Variants in EYS observed in about 807,000 individuals in gnomAD.
The protein encoded by EYS is protein eyes shut homolog.
EYS carries 250 observed loss-of-function variants against 282.1 expected under a neutral mutation model. The ratio of observed to expected loss-of-function variants is 0.89; its 90% CI spans 0.80 to 0.98. The LOEUF (loss-of-function observed/expected upper bound fraction) is 0.98, where lower values mean the gene tolerates loss of function less well. Among genes scored for constraint, EYS ranks in the 50% least tolerant of loss-of-function variants. The pLI is 0.00. For missense variants in EYS, 4,016 were observed against 3,709.0 expected (o/e 1.08, Z -2.15); for synonymous variants, 1,355 against 1,282.9 (o/e 1.06, Z -1.20).
chr6:64,255,374 C>T (rs575868383), intron 30 of EYS, among the ~76,000 whole-genome samples: 14 of 152,154 alleles, frequency 9.2e-5, no homozygotes, highest in South Asian at 2.1e-4. Context: ...TCTTTCTTTT[C>T]TTCCTAGGTC....
In EYS at chr6:64,370,290, T is replaced by A. The variant is rs147406498; in HGVS notation, c.6078+18400A>T. 8.6e-3 allele frequency among the ~76,000 whole-genome samples: 1,312 copies of A among 152,300 alleles called. 26 individuals are homozygous for A. The highest frequency in any genetic ancestry group is 0.029 in the African/African-American group (1,202 of 41,564). On this transcript the variant is annotated intron_variant, in intron 29 of 42. Coordinates refer to ENST00000503581, the MANE Select transcript of EYS (RefSeq NM_001142800.2). ...TTATCTATTGTGATGTCCATGTGGT[T>A]ATTTTTAATTCTGTTTATGTGGTGA...
intron 22 of EYS, among the ~76,000 whole-genome samples, chr6:64,732,974 T>C (rs949988862): frequency 6.6e-6 from 1 of 152,196 alleles, no homozygotes; most frequent in African/African-American, 2.4e-5. Context: ...CAGTGCTGTG[T>C]TGTGCAAATG....
At chr6:65,261,832 A>G (rs1767628161) in intron 12 of EYS, among the ~76,000 whole-genome samples, 1 of 152,068 alleles carries the variant, frequency 6.6e-6, no homozygotes, top group African/African-American at 2.4e-5. Flanking sequence ...TTTTACCAGC[A>G]TACAAAAATG....
At chr6:63,964,204 A>C (rs1437666689) in intron 35 of EYS, among the ~76,000 whole-genome samples, 3 of 152,214 alleles carry the variant, frequency 2.0e-5, no homozygotes, top group Non-Finnish European at 4.4e-5. Flanking sequence ...TTCACATCAG[A>C]ATAAACAAAC....
intron 39 of EYS, among the ~76,000 whole-genome samples, chr6:63,781,095 T>C (rs1282209256): frequency 6.6e-6 from 1 of 152,230 alleles, no homozygotes; most frequent in African/African-American, 2.4e-5. Context: ...TCTGTTCTTT[T>C]CCATTGGTCT....
chr6:64,168,766 A>G (rs1025916177), intron 31 of EYS, among the ~76,000 whole-genome samples: 4 of 152,186 alleles, frequency 2.6e-5, no homozygotes, highest in African/African-American at 4.8e-5. Context: ...GTGAATGCAA[A>G]TGGACACAAA....
chr6:65,668,346 T>C (rs1458576460), intron 1 of EYS, among the ~76,000 whole-genome samples: 1 of 151,932 alleles, frequency 6.6e-6, no homozygotes, highest in Non-Finnish European at 1.5e-5. Flanking sequence ...TCACATTAAA[T>C]AGGCAATAAC....
intron 31 of EYS, among the ~76,000 whole-genome samples, chr6:64,144,888 A>G (rs1405008215): frequency 6.6e-6 from 1 of 152,142 alleles, no homozygotes; most frequent in East Asian, 1.9e-4. Flanking sequence ...GATACTGTGA[A>G]CAAGACAGTT....
intron 10 of EYS, among the ~76,000 whole-genome samples, chr6:65,337,933 T>C (rs1273726451): frequency 6.6e-6 from 1 of 151,058 alleles, no homozygotes; most frequent in Non-Finnish European, 1.5e-5. Context: ...TTCATATAAC[T>C]ATGTGCTTTC....
At chr6:64,099,516 C>G (rs935588065) in intron 31 of EYS, among the ~76,000 whole-genome samples, 1 of 152,148 alleles carries the variant, frequency 6.6e-6, no homozygotes, top group African/African-American at 2.4e-5. Flanking sequence ...TATCACAATT[C>G]AATCTATGAG....
chr6:65,149,934 CA>C (rs1407193285), intron 12 of EYS, among the ~76,000 whole-genome samples: 5 of 152,050 alleles, frequency 3.3e-5, no homozygotes, highest in African/African-American at 1.2e-4. Context: ...ATGGAAGAAG[CA>C]AAAGCAAAAT....
chr6:64,817,748 C>G lies in EYS; in HGVS notation c.3243+3897G>C, dbSNP rs551384257. The stretch of plus-strand genomic sequence containing the variant: ...ATTAATTACCTTAGTTTTATGGCCT[C>G]CAGCTGCATCCATGTTGCTGTGAAG... On this transcript the variant is annotated intron_variant, in intron 21 of 42. Transcript: ENST00000503581. 2.0e-5 allele frequency among the ~76,000 whole-genome samples: 3 copies of G among 152,224 alleles called. No homozygotes were observed. In the East Asian group the frequency reaches 5.8e-4, roughly 29 times the overall value.
At chr6:63,960,124 G>T in intron 35 of EYS, among the ~76,000 whole-genome samples, 1 of 151,996 alleles carries the variant, frequency 6.6e-6, no homozygotes, top group East Asian at 1.9e-4. Flanking sequence ...AACTGGAAAA[G>T]ATTCACCATT....
chr6:64,859,255 T>A (rs1766162014), intron 19 of EYS, among the ~76,000 whole-genome samples: 1 of 148,142 alleles, frequency 6.8e-6, no homozygotes, highest in Non-Finnish European at 1.5e-5. Flanking sequence ...ATTAATATAT[T>A]TATATTTAGT....
chr6:64,082,784 T>G (rs1435459674), intron 31 of EYS, among the ~76,000 whole-genome samples: 1 of 152,164 alleles, frequency 6.6e-6, no homozygotes, highest in Non-Finnish European at 1.5e-5. Context: ...ATTTAAAACA[T>G]TTCATTGTTA....
intron 22 of EYS, among the ~76,000 whole-genome samples, chr6:64,788,960 C>G (rs766726063): frequency 4.6e-5 from 7 of 152,110 alleles, no homozygotes; most frequent in Non-Finnish European, 7.4e-5. Flanking sequence ...TAAGTCACCT[C>G]AATAAAGTGA....
chr6:64,228,210 C>T (rs1766306969), intron 31 of EYS, among the ~76,000 whole-genome samples: 1 of 152,000 alleles, frequency 6.6e-6, no homozygotes, highest in African/African-American at 2.4e-5. Context: ...TTCTTTATGA[C>T]AGAAAGAGGC....
At chr6:64,295,453 A>G (rs867086639) in intron 30 of EYS, among the ~76,000 whole-genome samples, 3 of 2,520 alleles carry the variant, frequency 1.2e-3, no homozygotes, top group Non-Finnish European at 1.4e-3. Flanking sequence ...AGGAAGAAGA[A>G]GAAGAAGAAG....
chr6:64,628,250 T>G (rs1478756462), intron 22 of EYS, among the ~76,000 whole-genome samples: 1 of 151,622 alleles, frequency 6.6e-6, no homozygotes, highest in African/African-American at 2.4e-5. Context: ...AGCAGTGTTT[T>G]TTTTTTTTTT....
Sources: allele counts gnomAD v4.1 joint callset (sites outside exome capture counted in the v4.1 genomes callset), GRCh38; gene constraint gnomAD v4.1.1; transcripts MANE v1.5; gene names NCBI Gene and HGNC (gene_info 2026-07-23, HGNC 2026-07-21).